The following AKAP9 variants were observed in gnomAD, a reference collection of about 807,000 sequenced individuals.
AKAP9 encodes A-kinase anchoring protein 9.
In AKAP9, 311 loss-of-function variants were observed where a neutral mutation model predicts 488.5. That is an observed-to-expected ratio of 0.64 (90% CI 0.58 to 0.70). AKAP9 has a LOEUF of 0.70. Ranked by LOEUF, AKAP9 falls within the 30% of genes least tolerant of loss-of-function variation. The pLI, the probability that AKAP9 is intolerant of heterozygous loss-of-function variation, is 0.00. For missense variants in AKAP9, 4,215 were observed against 4,374.5 expected, an observed-to-expected ratio of 0.96 and a Z score of 1.03; for synonymous variants, 1,462 against 1,483.5, an observed-to-expected ratio of 0.99 and a Z score of 0.33.
intron 2 of AKAP9, among the ~76,000 whole-genome samples, chr7:91,977,459 G>A (rs2130577406): frequency 6.6e-6 from 1 of 152,322 alleles, no homozygotes; most frequent in African/African-American, 2.4e-5. Context: ...GGGAGGCTGA[G>A]GCAGGAGAAT....
intron 6 of AKAP9, 30 bp downstream of exon 6, chr7:91,994,806 TA>T (rs772962201): frequency 1.8e-5 from 28 of 1,584,862 alleles, no homozygotes; most frequent in East Asian, 6.7e-5. Context: ...CAAAATTCAT[TA>T]TTTTTTTAGT....
chr7:91,977,069 G>T (rs576776925), intron 2 of AKAP9, among the ~76,000 whole-genome samples: 3 of 151,302 alleles, frequency 2.0e-5, no homozygotes, highest in Admixed American at 6.6e-5. Flanking sequence ...GACCAGCCTG[G>T]GCAAAAAAGG....
At chr7:91,989,724 A>G (rs1388756218) in intron 3 of AKAP9, among the ~76,000 whole-genome samples, 2 of 151,972 alleles carry the variant, frequency 1.3e-5, no homozygotes, top group Non-Finnish European at 1.5e-5. Context: ...GGCACATTGA[A>G]CTCTTATAAT....
At chr7:92,062,237 A>G in intron 23 of AKAP9, 37 bp from the exon 24 acceptor site, 1 of 1,555,336 alleles carries the variant, frequency 6.4e-7, no homozygotes, top group Non-Finnish European at 8.9e-7. Flanking sequence ...ATTTGAAATG[A>G]ATAATAGTTC....
chr7:91,976,956 A>G (rs1795776070), intron 2 of AKAP9, among the ~76,000 whole-genome samples: 1 of 152,156 alleles, frequency 6.6e-6, no homozygotes, highest in Non-Finnish European at 1.5e-5. Flanking sequence ...TATTTAAAAT[A>G]GCTGAGTCAG....
chr7:92,036,290 G>A (rs186227329), intron 16 of AKAP9, among the ~76,000 whole-genome samples: 3 of 151,540 alleles, frequency 2.0e-5, no homozygotes, highest in Non-Finnish European at 4.4e-5. Flanking sequence ...TGATTTTGGT[G>A]TTCTCTTTTC....
At chr7:91,992,750 A>G (rs973290570) in intron 4 of AKAP9, 135 bp from the exon 5 acceptor site, 16 of 736,618 alleles carry the variant, frequency 2.2e-5, no homozygotes, top group South Asian at 1.7e-4. Flanking sequence ...TTAACGAAGT[A>G]GGTTGCCATA....
rs201133805 is a variant in AKAP9, at chr7:92,099,842, T to C, written c.10869T>C (p.Tyr3623=). ...VMKLEEQIRW[Y]RQTGAGRDNS... ...AGCTGGAAGAGCAGATCAGGTGGTA[T>C]CGACAGACAGGAGCTGGTAGAGATA... The change falls in exon 44 of 50, where the codon TAT becomes TAC. Residue 3623 remains tyrosine, a synonymous_variant. Coordinates refer to ENST00000356239, the MANE Select transcript of AKAP9 (RefSeq NM_005751.5). The C allele has an allele frequency of 6.2e-7, 1 of 1,613,048 alleles. No homozygotes were observed. The highest frequency in any genetic ancestry group is 1.7e-5 in the Admixed American group (1 of 59,988).
At position 92,029,969 on chromosome 7, in the gene AKAP9, A is replaced by G; in HGVS notation, c.4223A>G (p.Lys1408Arg). ...ATGTACCCTGGAAGTTGTGTGAAAAAGAATATTGATGGTACAATAGAGGTA... is the reference window on the plus strand; with the variant it reads ...ATGTACCCTGGAAGTTGTGTGAAAAGGAATATTGATGGTACAATAGAGGTA... ...RTMYPGSCVKKNIDGTIEFSG... is the reference protein window; with the variant it reads ...RTMYPGSCVKRNIDGTIEFSG... Residue 1408 changes from lysine to arginine, a missense_variant, in exon 15 of 50, where the codon AAG becomes AGG. Lys to Arg is a conservative substitution (Grantham distance 26). Coordinates refer to ENST00000356239, the MANE Select transcript of AKAP9 (RefSeq NM_005751.5). 6.2e-7 allele frequency: 1 copy of G among 1,610,182 alleles called. No homozygotes were observed. Among genetic ancestry groups the G allele is most frequent in the Non-Finnish European group, 8.5e-7 (1 of 1,176,700 alleles).
At chr7:91,941,172 C>T in intron 1 of AKAP9, 25 bp downstream of exon 1, 1 of 1,611,814 alleles carries the variant, frequency 6.2e-7, no homozygotes, top group South Asian at 1.1e-5. Context: ...GGCAACCGGG[C>T]CTGCGGTGGG....
rs769117540 is a variant in AKAP9 at position 91,993,047 on chromosome 7, C to T, written c.568C>T (p.Leu190=). 1 of 1,614,028 alleles carries T rather than the reference C, an allele frequency of 6.2e-7. No homozygotes were observed. Among genetic ancestry groups the T allele is most frequent in the East Asian group, 2.2e-5 (1 of 44,880 alleles). The change falls in exon 5 of 50, where the codon CTG becomes TTG. Residue 190 remains leucine, a synonymous_variant. Transcript: ENST00000356239. ...EMRVTYGTEG[L]QQLQEFEAAI... The stretch of plus-strand genomic sequence containing the variant: ...GAGGGTTACCTATGGGACTGAAGGA[C>T]TGCAGCAGGTATGTTTATTTTCTGT...
intron 1 of AKAP9, among the ~76,000 whole-genome samples, chr7:91,966,217 G>A (rs141852042): frequency 2.3e-4 from 35 of 152,096 alleles, no homozygotes; most frequent in African/African-American, 7.7e-4. Flanking sequence ...GGTTCCATTT[G>A]TCTGTTTTTG....
At chr7:92,013,490 C>T (rs1455824266) in intron 9 of AKAP9, among the ~76,000 whole-genome samples, 2 of 152,138 alleles carry the variant, frequency 1.3e-5, no homozygotes, top group Non-Finnish European at 2.9e-5. Context: ...ATAAGACCTA[C>T]TGCAGGATTT....
At position 92,000,881 on chromosome 7, in the gene AKAP9, G is replaced by C. The variant is rs1346212072; in HGVS notation, c.964G>C (p.Glu322Gln). The C allele has an allele frequency of 2.1e-6, 3 of 1,419,714 alleles. No individual in the cohort carries two copies. Among genetic ancestry groups the C allele is most frequent in the Non-Finnish European group, 1.9e-6 (2 of 1,058,108 alleles). 87.9% of individuals were successfully genotyped at this position (1,419,714 alleles called of 1,614,324 possible). A position where few individuals can be genotyped will look rare whatever the true frequency, so the allele number is the denominator to read the frequency against. ...TAAAAAAGTAGAAAACTCAAATAAA[G>C]AAGAAATACAGGAAAAGGAGACAAT... ...QDKKVENSNK[E>Q]EIQEKETIIE... The change falls in exon 8 of 50, where the codon GAA becomes CAA. Residue 322 changes from glutamate (E) to glutamine (Q), a missense_variant. By Grantham distance (29) the Glu-to-Gln change is conservative (BLOSUM62 2). This residue lies in a region of AKAP9 where 2,361 missense variants were observed against 2,430.0 expected (regional missense o/e 0.97). Transcript: ENST00000356239.
chr7:91,968,234 G>A (rs750156195), intron 1 of AKAP9, among the ~76,000 whole-genome samples: 6 of 152,158 alleles, frequency 3.9e-5, no homozygotes, highest in African/African-American at 9.7e-5. Flanking sequence ...GTGAGCCACC[G>A]CTCCCAGCTT....
Position 92,083,353 on chromosome 7 carries a change from A to G in AKAP9, c.8344A>G (p.Thr2782Ala). 6.2e-7 allele frequency: 1 copy of G among 1,614,070 alleles called. No homozygotes were observed. The highest frequency in any genetic ancestry group is 8.5e-7 in the Non-Finnish European group (1 of 1,179,998). ...IKLSKSIASQTDGTLKISSSN... is the reference protein window; with the variant it reads ...IKLSKSIASQADGTLKISSSN... ...ACTGAGTAAGAGCATTGCATCCCAG[A>G]CAGATGGGACTCTGAAGATCAGTAG... Residue 2782 changes from threonine to alanine, a missense_variant, in exon 33 of 50, where the codon ACA (threonine) becomes GCA (alanine). By Grantham distance (58) the Thr-to-Ala change is moderately conservative. Around this residue, in one of 5 missense-constraint regions of AKAP9, gnomAD observed 1,476 missense variants for 1,477.4 expected, o/e 1.00. Transcript: ENST00000356239.
At position 92,065,185 on chromosome 7, in the gene AKAP9, A is replaced by T. The variant is rs60679463; in HGVS notation, c.5978-46A>T. On this transcript the variant is annotated intron_variant, in intron 24 of 49. Transcript: ENST00000356239. ...TTATCAGGGATTTCATTATCATAAGATCATTAATTGTGATTTAATTCAGTA... is the reference window on the plus strand; with the variant it reads ...TTATCAGGGATTTCATTATCATAAGTTCATTAATTGTGATTTAATTCAGTA... 1,611 of 1,274,852 alleles carry T rather than the reference A, an allele frequency of 1.3e-3. 26 individuals are homozygous for T. The East Asian group carries it at 0.037, about 29-fold the overall frequency. 79.0% of individuals were successfully genotyped at this position (1,274,852 alleles called of 1,614,324 possible).
At chr7:92,043,877 T>C (rs190998997) in intron 20 of AKAP9, among the ~76,000 whole-genome samples, 1 of 152,330 alleles carries the variant, frequency 6.6e-6, no homozygotes, top group Non-Finnish European at 1.5e-5. Flanking sequence ...GATAAAACTG[T>C]CTTAAGGCAG....
chr7:92,005,762 T>TTCAA (rs754896000), intron 8 of AKAP9, among the ~76,000 whole-genome samples: 6 of 151,986 alleles, frequency 3.9e-5, no homozygotes, highest in Non-Finnish European at 8.8e-5. Flanking sequence ...GCCTCCCGGG[T>TTCAA]TCAATCAATT....
Sources: gnomAD v4.1 joint callset for allele counts (sites outside exome capture counted in the v4.1 genomes callset) on GRCh38, gnomAD v4.1.1 for gene constraint, gnomAD v4.1.1 regional missense constraint, MANE v1.5 for transcripts, NCBI Gene and HGNC (gene_info 2026-07-23, HGNC 2026-07-21) for gene names.